Variants in CLSTN2 observed in about 807,000 individuals in gnomAD.
CLSTN2 encodes the protein calsyntenin 2.
Under a neutral mutation model 101.2 loss-of-function variants are expected in CLSTN2, and 48 were observed. The ratio of observed to expected loss-of-function variants is 0.47; its 90% CI spans 0.38 to 0.60. The LOEUF (loss-of-function observed/expected upper bound fraction) is 0.60, where lower values mean the gene tolerates loss of function less well. Among genes scored for constraint, CLSTN2 ranks in the 20% least tolerant of loss-of-function variants. The pLI is 0.00. For missense variants in CLSTN2, 1,160 were observed against 1,238.2 expected, an observed-to-expected ratio of 0.94 and a Z score of 0.95; for synonymous variants, 481 against 463.6, an observed-to-expected ratio of 1.04 and a Z score of -0.48.
intron 2 of CLSTN2, among the ~76,000 whole-genome samples, chr3:140,320,727 G>A (rs1397075497): frequency 6.6e-6 from 1 of 152,066 alleles, no homozygotes; most frequent in Admixed American, 6.5e-5. Flanking sequence ...AAGGATACAG[G>A]AACAAGTTCA....
chr3:140,083,723 C>T (rs927088420), intron 1 of CLSTN2, among the ~76,000 whole-genome samples: 4 of 152,222 alleles, frequency 2.6e-5, no homozygotes, highest in African/African-American at 9.6e-5. Context: ...GCTTTTATCC[C>T]ACCTGTGCTG....
At chr3:140,183,565 T>G (rs2010440380) in intron 2 of CLSTN2, among the ~76,000 whole-genome samples, 1 of 152,204 alleles carries the variant, frequency 6.6e-6, no homozygotes, top group African/African-American at 2.4e-5. Context: ...GCAGATCTGG[T>G]GCCAGCCTAT....
chr3:140,308,426 G>A (rs927439578), intron 2 of CLSTN2, among the ~76,000 whole-genome samples: 2 of 152,202 alleles, frequency 1.3e-5, no homozygotes, highest in Non-Finnish European at 2.9e-5. Context: ...GACTTCGATT[G>A]TTATATAACC....
chr3:140,375,707 AT>A (rs1361923670), intron 2 of CLSTN2, among the ~76,000 whole-genome samples: 1 of 151,862 alleles, frequency 6.6e-6, no homozygotes, highest in African/African-American at 2.4e-5. Context: ...TTTGGGCCTT[AT>A]TTTTATCTTG....
intron 1 of CLSTN2, among the ~76,000 whole-genome samples, chr3:139,957,056 G>T (rs761286388): frequency 3.3e-5 from 5 of 152,186 alleles, no homozygotes; most frequent in Admixed American, 6.5e-5. Flanking sequence ...CAAGCTGACA[G>T]ATTAAAATAT....
chr3:140,382,830 T>C (rs2088001702), intron 2 of CLSTN2, among the ~76,000 whole-genome samples: 1 of 152,062 alleles, frequency 6.6e-6, no homozygotes, highest in South Asian at 2.1e-4. Context: ...TTAGACCTCA[T>C]TTATAAGGGC....
At chr3:140,537,266 T>C (rs1221370159) in intron 9 of CLSTN2, among the ~76,000 whole-genome samples, 1 of 152,226 alleles carries the variant, frequency 6.6e-6, no homozygotes, top group Non-Finnish European at 1.5e-5. Context: ...GGGAACTGGC[T>C]CTAGCACTGT....
chr3:140,144,159 G>A (rs4317058), intron 1 of CLSTN2, among the ~76,000 whole-genome samples: 1 of 152,122 alleles, frequency 6.6e-6, no homozygotes, highest in Non-Finnish European at 1.5e-5. Context: ...AATTGCTAAA[G>A]AACTGACTTC....
intron 2 of CLSTN2, among the ~76,000 whole-genome samples, chr3:140,243,823 T>A (rs770431021): frequency 1.3e-5 from 2 of 152,160 alleles, no homozygotes; most frequent in Non-Finnish European, 2.9e-5. Flanking sequence ...CACATGAATA[T>A]CTAAGAAGCA....
At chr3:140,240,174 C>CTCTCTCTCTCTCTCTATATATATA (rs1311225528) in intron 2 of CLSTN2, among the ~76,000 whole-genome samples, 1 of 13,354 alleles carries the variant, frequency 7.5e-5, no homozygotes, top group African/African-American at 1.1e-4. Flanking sequence ...CTCTCTCTCT[C>CTCTCTCTCTCTCTCTATATATATA]TATATATATA....
Position 140,448,457 on chromosome 3 carries a change from G to T in CLSTN2, c.788-62G>T, listed in dbSNP as rs370930499. 9.5e-6 allele frequency: 13 copies of T among 1,372,756 alleles called. 1 individual carries two copies. In the East Asian group the frequency reaches 2.8e-4, roughly 30 times the overall value. The allele number at this position is 1,372,756 out of a possible 1,614,324, so 85.0% of individuals were successfully genotyped here. ...TTGGAACAAATTCACATTTCTAAAA[G>T]AAATGTTCCAGCAGAACTGACTGCA... On this transcript the variant is annotated intron_variant, in intron 5 of 16. Transcript: ENST00000458420.
At position 140,395,190 on chromosome 3, in the gene CLSTN2, A is replaced by C. The variant is rs1011044052; in HGVS notation, c.233-8439A>C. Among the ~76,000 whole-genome samples, 3 of 152,332 alleles carry C rather than the reference A, an allele frequency of 2.0e-5. No individual in the cohort carries two copies. In the South Asian group the frequency reaches 6.2e-4, roughly 32 times the overall value. On this transcript the variant is annotated intron_variant, in intron 2 of 16. Transcript: ENST00000458420. ...AAAATGACTTTTAAAATAAAATAAT[A>C]TGTTTTATTTTGCTCAATTCTAAGT... is the stretch of plus-strand genomic sequence containing the variant.
At chr3:140,424,400 C>T (rs909727588) in intron 5 of CLSTN2, among the ~76,000 whole-genome samples, 2 of 152,228 alleles carry the variant, frequency 1.3e-5, no homozygotes, top group Admixed American at 1.3e-4. Flanking sequence ...TCCTCTCCTC[C>T]TCCCAGCCTA....
At chr3:140,551,927 T>G (rs1441521896) in intron 10 of CLSTN2, among the ~76,000 whole-genome samples, 1 of 151,806 alleles carries the variant, frequency 6.6e-6, no homozygotes, top group Non-Finnish European at 1.5e-5. Flanking sequence ...ACAGAAGAAC[T>G]TCTAAAGTGG....
At chr3:140,488,383 C>T (rs903233455) in intron 8 of CLSTN2, among the ~76,000 whole-genome samples, 1 of 152,140 alleles carries the variant, frequency 6.6e-6, no homozygotes. Context: ...CACTTCACTT[C>T]TCTGAGCCTT....
intron 2 of CLSTN2, among the ~76,000 whole-genome samples, chr3:140,279,583 G>C (rs1380166788): frequency 6.6e-6 from 1 of 152,224 alleles, no homozygotes; most frequent in Non-Finnish European, 1.5e-5. Flanking sequence ...GATCACTGCA[G>C]TAATGCAGCT....
intron 1 of CLSTN2, among the ~76,000 whole-genome samples, chr3:140,157,726 G>T (rs1157231149): frequency 6.6e-6 from 1 of 152,094 alleles, no homozygotes; most frequent in Admixed American, 6.5e-5. Flanking sequence ...CTGCATCTCA[G>T]TTTCATTCAG....
intron 10 of CLSTN2, among the ~76,000 whole-genome samples, chr3:140,551,188 T>TA: frequency 6.6e-6 from 1 of 151,582 alleles, no homozygotes; most frequent in African/African-American, 2.4e-5. Context: ...TTACTCCTCA[T>TA]GTCATTTCTG....
intron 10 of CLSTN2, among the ~76,000 whole-genome samples, chr3:140,553,707 A>G (rs927246065): frequency 6.6e-6 from 1 of 152,218 alleles, no homozygotes; most frequent in African/African-American, 2.4e-5. Flanking sequence ...AGGCTCGAGC[A>G]TCTTTCAGGA....
Sources: gnomAD v4.1 joint callset for allele counts (sites outside exome capture counted in the v4.1 genomes callset) on GRCh38, gnomAD v4.1.1 for gene constraint, MANE v1.5 for transcripts, NCBI Gene and HGNC (gene_info 2026-07-23, HGNC 2026-07-21) for gene names.